Variants in BABAM2 observed in about 807,000 individuals in gnomAD.
BABAM2 encodes the protein BRISC and BRCA1-A complex member 2.
A neutral mutation model predicts 54.7 loss-of-function variants in BABAM2; 31 were observed. The observed-to-expected ratio is 0.57, with a 90% CI of 0.43 to 0.77. The LOEUF (loss-of-function observed/expected upper bound fraction) is 0.77, where lower values mean the gene tolerates loss of function less well. BABAM2 is among the 30% of genes least tolerant of loss of function. The pLI, the probability that BABAM2 is intolerant of heterozygous loss-of-function variation, is 0.00. For missense variants in BABAM2, 364 were observed against 455.8 expected (o/e 0.80, Z 1.83); for synonymous variants, 167 against 162.9 (o/e 1.03, Z -0.19).
chr2:28,338,426 T>C (rs1281237510), intron 11 of BABAM2, 24 bp from the exon 12 acceptor site: 9 of 1,607,736 alleles, frequency 5.6e-6, no homozygotes, highest in Non-Finnish European at 7.7e-6. Context: ...CCACAATTTT[T>C]TTTCTCCCCT....
At chr2:28,006,251 A>G (rs946915391) in intron 4 of BABAM2, among the ~76,000 whole-genome samples, 1 of 152,046 alleles carries the variant, frequency 6.6e-6, no homozygotes, top group Admixed American at 6.6e-5. Flanking sequence ...GTAGTTGGAT[A>G]TATGTCCCAA....
chr2:28,167,733 TA>T (rs1263891293), intron 7 of BABAM2, among the ~76,000 whole-genome samples: 1 of 134,532 alleles, frequency 7.4e-6, no homozygotes, highest in Non-Finnish European at 1.6e-5. Flanking sequence ...AATAAATAAA[TA>T]AATAACGCAG....
intron 2 of BABAM2, among the ~76,000 whole-genome samples, chr2:27,903,319 C>T (rs535764104): frequency 1.6e-4 from 24 of 152,254 alleles, no homozygotes; most frequent in Admixed American, 1.1e-3. Context: ...CCATCTTGTT[C>T]TAATTCTTAA....
chr2:28,272,737 G>C (rs551011483), intron 10 of BABAM2, among the ~76,000 whole-genome samples: 1 of 152,288 alleles, frequency 6.6e-6, no homozygotes, highest in East Asian at 1.9e-4. Context: ...TCATTGCCTG[G>C]CAGGGAAGTT....
chr2:28,244,691 G>T, intron 9 of BABAM2, 89 bp from the exon 10 acceptor site: 1 of 1,245,632 alleles, frequency 8.0e-7, no homozygotes, highest in South Asian at 1.3e-5. Context: ...CTGACTTCAC[G>T]AATATATTCT....
At chr2:28,204,432 G>T (rs188801461) in intron 7 of BABAM2, among the ~76,000 whole-genome samples, 169 of 152,188 alleles carry the variant, frequency 1.1e-3, no homozygotes, top group Non-Finnish European at 1.8e-3. Context: ...GCAAACCTTC[G>T]GGAGAAGTAT....
intron 7 of BABAM2, among the ~76,000 whole-genome samples, chr2:28,139,022 C>T (rs1384768354): frequency 3.3e-5 from 5 of 152,172 alleles, no homozygotes; most frequent in Non-Finnish European, 4.4e-5. Context: ...CCACCACACT[C>T]ACAGCCTGCT....
chr2:28,196,836 C>CT (rs759950166), intron 7 of BABAM2, among the ~76,000 whole-genome samples: 6,146 of 40,010 alleles, frequency 0.15, 1,847 homozygotes, highest in Non-Finnish European at 0.19. Flanking sequence ...GAGACCCTGT[C>CT]TTTTTTTTTT....
At chr2:27,965,724 C>T (rs1459943058) in intron 3 of BABAM2, among the ~76,000 whole-genome samples, 2 of 152,128 alleles carry the variant, frequency 1.3e-5, no homozygotes, top group African/African-American at 2.4e-5. Flanking sequence ...GTGTGCTTTA[C>T]AGTTGTGTGG....
intron 6 of BABAM2, among the ~76,000 whole-genome samples, chr2:28,054,626 GA>G (rs1225395553): frequency 6.6e-6 from 1 of 152,232 alleles, no homozygotes; most frequent in Non-Finnish European, 1.5e-5. Context: ...AGGACACAGT[GA>G]GAAGGCACCA....
At chr2:28,019,091 G>A (rs1162054340) in intron 4 of BABAM2, among the ~76,000 whole-genome samples, 3 of 152,042 alleles carry the variant, frequency 2.0e-5, no homozygotes, top group Admixed American at 6.6e-5. Context: ...ATGAGTGAGA[G>A]CATGCAGTGT....
At chr2:28,005,937 A>G (rs1052661667) in intron 4 of BABAM2, among the ~76,000 whole-genome samples, 6 of 152,144 alleles carry the variant, frequency 3.9e-5, no homozygotes, top group African/African-American at 1.4e-4. Context: ...TCTTTTAAAA[A>G]GCATAACCAA....
intron 2 of BABAM2, among the ~76,000 whole-genome samples, chr2:27,900,769 C>T (rs956816058): frequency 1.4e-4 from 21 of 152,038 alleles, no homozygotes; most frequent in Admixed American, 3.3e-4. Flanking sequence ...GTAGGCCGGG[C>T]GCGGTGGCTC....
chr2:28,112,122 T>TTTC (rs1668095566), intron 6 of BABAM2, among the ~76,000 whole-genome samples: 1 of 13,264 alleles, frequency 7.5e-5, no homozygotes, highest in Non-Finnish European at 1.4e-4. Context: ...TCTTTCTTTC[T>TTTC]TTCTTTCTTT....
At chr2:28,321,574 C>T (rs943064522) in intron 11 of BABAM2, among the ~76,000 whole-genome samples, 4 of 152,180 alleles carry the variant, frequency 2.6e-5, no homozygotes. Context: ...TCATACTGCG[C>T]AGGTTTTAGG....
intron 10 of BABAM2, among the ~76,000 whole-genome samples, chr2:28,246,899 T>C (rs1682965279): frequency 1.3e-5 from 2 of 152,248 alleles, no homozygotes; most frequent in African/African-American, 4.8e-5. Flanking sequence ...TTCAGTAATG[T>C]AGCTATTGCT....
intron 10 of BABAM2, among the ~76,000 whole-genome samples, chr2:28,249,821 C>T (rs1466020358): frequency 2.0e-5 from 3 of 151,972 alleles, no homozygotes; most frequent in Admixed American, 6.6e-5. Flanking sequence ...TATGTAGGGA[C>T]GAGGTTTTGC....
rs7574822 is a variant in BABAM2 at position 28,242,812 on chromosome 2, C to G, written c.851+1419C>G. Among the ~76,000 whole-genome samples the G allele has an allele frequency of 6.6e-3, 1,003 of 152,288 alleles. 10 individuals carry two copies. The highest frequency in any genetic ancestry group is 0.023 in the African/African-American group (959 of 41,554). ...CGAAATAGAAGTGTCAATAACCAAACAGTATGACTGCCTCTCACATGAGTC... is the reference window on the plus strand; with the variant it reads ...CGAAATAGAAGTGTCAATAACCAAAGAGTATGACTGCCTCTCACATGAGTC... On this transcript the variant is annotated intron_variant, in intron 9 of 11. Transcript: ENST00000379624.
At chr2:28,169,333 C>T (rs138017105) in intron 7 of BABAM2, among the ~76,000 whole-genome samples, 8 of 152,290 alleles carry the variant, frequency 5.3e-5, no homozygotes, top group African/African-American at 1.7e-4. Flanking sequence ...GATAATTTAA[C>T]AATATGTGTT....
Sources: allele counts gnomAD v4.1 joint callset (sites outside exome capture counted in the v4.1 genomes callset), GRCh38; gene constraint gnomAD v4.1.1; transcripts MANE v1.5; gene names NCBI Gene and HGNC (gene_info 2026-07-23, HGNC 2026-07-21).